The following PTPRE variants were observed in gnomAD, a reference collection of about 807,000 sequenced individuals.
PTPRE encodes receptor-type tyrosine-protein phosphatase epsilon.
In PTPRE, 51 loss-of-function variants were observed where a neutral mutation model predicts 102.0. That is an observed-to-expected ratio of 0.50 (90% CI 0.40 to 0.63). PTPRE has a LOEUF of 0.63. Among genes scored for constraint, PTPRE ranks in the 30% least tolerant of loss-of-function variants. PTPRE has a pLI of 0.00. For synonymous variants in PTPRE, 345 were observed against 348.2 expected (o/e 0.99, Z 0.10); for missense variants, 752 against 915.1 (o/e 0.82, Z 2.30).
intron 1 of PTPRE, among the ~76,000 whole-genome samples, chr10:127,980,882 T>C (rs969127782): frequency 9.2e-5 from 14 of 152,244 alleles, no homozygotes; most frequent in Non-Finnish European, 5.9e-5. Context: ...GAAAACATCA[T>C]GTACTGCATT....
At chr10:128,012,621 A>T (rs1475870949) in intron 2 of PTPRE, among the ~76,000 whole-genome samples, 1 of 152,210 alleles carries the variant, frequency 6.6e-6, no homozygotes, top group Non-Finnish European at 1.5e-5. Flanking sequence ...CTTGCTAGGC[A>T]TGGACGAGGC....
Position 128,070,210 on chromosome 10 carries a change from A to G in PTPRE, c.1144-91A>G. ...TTGTGTTGGCAAAAAGAGAAAAAGA[A>G]GAAAGCCGCCCTCTTTGGTCTGCCA... On this transcript the variant is annotated intron_variant, in intron 13 of 20. Transcript: ENST00000254667. The surrounding 1 kb of genome is among the most constrained non-coding windows in gnomAD (Gnocchi z 4.8). 2 of 1,446,556 alleles carry G rather than the reference A, an allele frequency of 1.4e-6. No homozygotes were observed. The highest frequency in any genetic ancestry group is 1.9e-6 in the Non-Finnish European group (2 of 1,073,588). 89.6% of individuals were successfully genotyped at this position (1,446,556 alleles called of 1,614,324 possible). A position where few individuals can be genotyped will look rare whatever the true frequency, so the allele number is the denominator to read the frequency against.
intron 20 of PTPRE, among the ~76,000 whole-genome samples, chr10:128,082,353 G>T (rs1307758919): frequency 6.6e-6 from 1 of 151,058 alleles, no homozygotes; most frequent in Non-Finnish European, 1.5e-5. Flanking sequence ...CTGGGACTAT[G>T]GGTGTGCACC....
intron 2 of PTPRE, among the ~76,000 whole-genome samples, chr10:128,035,987 G>C (rs1381862542): frequency 6.6e-6 from 1 of 152,184 alleles, no homozygotes; most frequent in African/African-American, 2.4e-5. Context: ...TGCCAGGAAG[G>C]ACTCCATCTC....
Position 128,079,577 on chromosome 10 carries a change from CA to C in PTPRE, c.1911del (p.Gly638ValfsTer4). The C allele has an allele frequency of 6.2e-7, 1 of 1,614,050 alleles. No homozygotes were observed. Among genetic ancestry groups the C allele is most frequent in the South Asian group, 1.1e-5 (1 of 91,060 alleles). On this transcript the variant is annotated frameshift_variant, in exon 20 of 21. Coordinates refer to ENST00000254667, the MANE Select transcript of PTPRE (RefSeq NM_006504.6). LOFTEE classifies it high-confidence loss of function. ...TVHCSAGAGR[T>X]GTFIALSNIL... ...CTCTGCAGTGCCGGAGCTGGGCGAA[CA>C]GGTACATTCATAGCCCTCAGCAACA...
chr10:127,997,615 A>G lies in PTPRE; in HGVS notation c.-8+15319A>G, dbSNP rs1474337238. Reference sequence around the variant, plus strand: ...AGTACATGTACATGTATTTGTGGCTATGTGTACTAGTTACAAATAAGAGAC... The same window carrying G: ...AGTACATGTACATGTATTTGTGGCTGTGTGTACTAGTTACAAATAAGAGAC... On this transcript the variant is annotated intron_variant, in intron 2 of 20. Transcript: ENST00000254667. 5.3e-5 allele frequency among the ~76,000 whole-genome samples: 8 copies of G among 152,346 alleles called. No individual in the cohort carries two copies. In the South Asian group the frequency reaches 8.3e-4, roughly 16 times the overall value.
intron 1 of PTPRE, among the ~76,000 whole-genome samples, chr10:127,957,632 G>A (rs1011890316): frequency 4.6e-5 from 7 of 152,226 alleles, no homozygotes; most frequent in Non-Finnish European, 8.8e-5. Context: ...GTCAGGTAGT[G>A]TCAGTCCTCC....
intron 11 of PTPRE, among the ~76,000 whole-genome samples, chr10:128,066,650 T>C (rs887536934): frequency 6.6e-6 from 1 of 152,202 alleles, no homozygotes; most frequent in African/African-American, 2.4e-5. Flanking sequence ...AGTAAAAATA[T>C]GTGTATGCAA....
At chr10:128,007,199 T>C (rs1854646462) in intron 2 of PTPRE, among the ~76,000 whole-genome samples, 1 of 152,170 alleles carries the variant, frequency 6.6e-6, no homozygotes, top group African/African-American at 2.4e-5. Context: ...TGTGGCTGAG[T>C]GTTTATAGAG....
intron 2 of PTPRE, among the ~76,000 whole-genome samples, chr10:128,034,195 T>C (rs1847009007): frequency 6.6e-6 from 1 of 152,114 alleles, no homozygotes; most frequent in Admixed American, 6.6e-5. Flanking sequence ...AACCTAAGTG[T>C]CCTAAAAAGA....
intron 1 of PTPRE, among the ~76,000 whole-genome samples, chr10:127,935,287 C>T (rs945530337): frequency 1.3e-5 from 2 of 152,172 alleles, no homozygotes; most frequent in Admixed American, 1.3e-4. Flanking sequence ...GATGCGGTTG[C>T]GTCAGGAGTA....
chr10:127,920,959 G>A (rs529998278), intron 1 of PTPRE, among the ~76,000 whole-genome samples: 3 of 152,178 alleles, frequency 2.0e-5, no homozygotes, highest in Non-Finnish European at 2.9e-5. Context: ...GAGTCTCCTT[G>A]GCTCTGACGA....
intron 1 of PTPRE, among the ~76,000 whole-genome samples, chr10:127,981,506 T>G (rs1851614995): frequency 6.6e-6 from 1 of 151,276 alleles, no homozygotes; most frequent in Non-Finnish European, 1.5e-5. Flanking sequence ...TTTTAAAAAA[T>G]AAAATAACAT....
chr10:127,972,005 C>T (rs1006061913), intron 1 of PTPRE, among the ~76,000 whole-genome samples: 6 of 152,194 alleles, frequency 3.9e-5, no homozygotes, highest in Admixed American at 6.6e-5. Context: ...TCAATTTGCT[C>T]GTGACTCTTA....
chr10:127,974,956 T>C (rs1048190794), intron 1 of PTPRE, among the ~76,000 whole-genome samples: 5 of 148,988 alleles, frequency 3.4e-5, no homozygotes, highest in African/African-American at 1.3e-4. Context: ...CCTACTGTAC[T>C]GTGTTGTTGT....
At chr10:127,967,509 T>C (rs1383041431) in intron 1 of PTPRE, among the ~76,000 whole-genome samples, 1 of 152,204 alleles carries the variant, frequency 6.6e-6, no homozygotes, top group Non-Finnish European at 1.5e-5. Flanking sequence ...AAGATATGCT[T>C]TTGCTCCTCC....
chr10:127,916,938 G>T (rs548477736), intron 1 of PTPRE, among the ~76,000 whole-genome samples: 2 of 152,186 alleles, frequency 1.3e-5, no homozygotes, highest in Admixed American at 6.5e-5. Context: ...AGGCTCACAG[G>T]TTCCAGGTGT....
At chr10:127,976,243 G>A (rs968102399) in intron 1 of PTPRE, among the ~76,000 whole-genome samples, 4 of 152,114 alleles carry the variant, frequency 2.6e-5, no homozygotes, top group African/African-American at 9.7e-5. Flanking sequence ...GGGCTTGGAG[G>A]GCACCCCTAC....
intron 2 of PTPRE, among the ~76,000 whole-genome samples, chr10:128,023,061 G>T (rs561823545): frequency 6.6e-6 from 1 of 152,312 alleles, no homozygotes; most frequent in South Asian, 2.1e-4. Flanking sequence ...GTTACCCACG[G>T]TCAACTGTGG....
Sources: gnomAD v4.1 joint callset for allele counts (sites outside exome capture counted in the v4.1 genomes callset) on GRCh38, gnomAD v4.1.1 for gene constraint, Gnocchi (gnomAD v3.1) non-coding constraint, MANE v1.5 for transcripts, NCBI Gene and HGNC (gene_info 2026-07-23, HGNC 2026-07-21) for gene names.